TRAF3IP1: variants seen among roughly 807,000 people sequenced by gnomAD.
The protein encoded by TRAF3IP1 is TRAF3-interacting protein 1.
In TRAF3IP1, 53 loss-of-function variants were observed where a neutral mutation model predicts 89.9. The ratio of observed to expected loss-of-function variants is 0.59; its 90% confidence interval spans 0.47 to 0.74. The LOEUF is 0.74. Ranked by LOEUF, TRAF3IP1 falls within the 30% of genes least tolerant of loss-of-function variation. The pLI is 0.00. For synonymous variants in TRAF3IP1, 311 were observed against 322.1 expected, an observed-to-expected ratio of 0.97 and a Z score of 0.37; for missense variants, 806 against 866.1, an observed-to-expected ratio of 0.93 and a Z score of 0.87.
At chr2:238,338,687 C>T (rs1381119978) in intron 8 of TRAF3IP1, among the ~76,000 whole-genome samples, 1 of 152,204 alleles carries the variant, frequency 6.6e-6, no homozygotes, top group Admixed American at 6.5e-5. Context: ...CCTTTTTATA[C>T]ATAGATTATT....
At chr2:238,349,192 A>G (rs774577188) in intron 11 of TRAF3IP1, 133 bp from the exon 12 acceptor site, 224 of 794,250 alleles carry the variant, frequency 2.8e-4, no homozygotes, top group Non-Finnish European at 4.2e-4. Flanking sequence ...TCTTCTGCAG[A>G]GTAGCGTGTC....
At chr2:238,326,457 T>C (rs1390656134) in intron 3 of TRAF3IP1, among the ~76,000 whole-genome samples, 2 of 152,100 alleles carry the variant, frequency 1.3e-5, no homozygotes, top group Admixed American at 6.5e-5. Flanking sequence ...CTCTCTCTCT[T>C]CCACCTTTTC....
rs1417925683 is a variant in TRAF3IP1 at position 238,320,653 on chromosome 2, G to GGTGGT, written c.-9_-8insTGGTG. ...GGGGCGCGGGCGGCCAGCGGGCGGC[G>GGTGGT]GACGCCGTCATGAACGCGGCGGTGG... is the stretch of plus-strand genomic sequence containing the variant. On this transcript the variant is annotated 5_prime_UTR_variant, in exon 1 of 17. Coordinates refer to ENST00000373327, the MANE Select transcript of TRAF3IP1 (RefSeq NM_015650.4). The GGTGGT allele has an allele frequency of 7.4e-7, 1 of 1,346,198 alleles. No individual in the cohort carries two copies. Among genetic ancestry groups the GGTGGT allele is most frequent in the Non-Finnish European group, 9.7e-7 (1 of 1,031,260 alleles). 83.4% of individuals were successfully genotyped at this position (1,346,198 alleles called of 1,614,324 possible).
chr2:238,378,932 G>A (rs1297082968), intron 15 of TRAF3IP1, among the ~76,000 whole-genome samples: 4 of 152,156 alleles, frequency 2.6e-5, no homozygotes, highest in African/African-American at 9.7e-5. Context: ...TTGCCTTCAG[G>A]GGAGGTGGGT....
At chr2:238,352,242 A>G (rs1194801453) in intron 12 of TRAF3IP1, among the ~76,000 whole-genome samples, 1 of 152,012 alleles carries the variant, frequency 6.6e-6, no homozygotes. Flanking sequence ...TGACTTGCCC[A>G]GAATGATGTG....
intron 14 of TRAF3IP1, among the ~76,000 whole-genome samples, chr2:238,355,076 G>A (rs1325246955): frequency 6.6e-6 from 1 of 152,034 alleles, no homozygotes; most frequent in East Asian, 1.9e-4. Flanking sequence ...CTTGCCAATT[G>A]GATATCACTA....
chr2:238,327,874 T>A (rs1697915894), intron 3 of TRAF3IP1, among the ~76,000 whole-genome samples: 1 of 152,196 alleles, frequency 6.6e-6, no homozygotes, highest in Admixed American at 6.5e-5. Context: ...TCACTTAATA[T>A]AATGTTCTCA....
chr2:238,372,343 A>G (rs920257464), intron 15 of TRAF3IP1, among the ~76,000 whole-genome samples: 3 of 151,530 alleles, frequency 2.0e-5, no homozygotes, highest in African/African-American at 7.3e-5. Flanking sequence ...ATGTGTTCTC[A>G]TTGTTCAACT....
intron 9 of TRAF3IP1, 177 bp downstream of exon 9, chr2:238,344,775 T>C (rs1698817008): frequency 5.7e-6 from 4 of 697,914 alleles, no homozygotes; most frequent in Non-Finnish European, 1.0e-5. Flanking sequence ...AACATGGTGG[T>C]TTCTTGATAG....
chr2:238,380,855 G>A (rs1361973412), intron 15 of TRAF3IP1, among the ~76,000 whole-genome samples: 2 of 152,194 alleles, frequency 1.3e-5, no homozygotes, highest in African/African-American at 4.8e-5. Flanking sequence ...TTTCATGAAG[G>A]TGTGTGAGTC....
chr2:238,389,720 C>T (rs554137839), intron 15 of TRAF3IP1, among the ~76,000 whole-genome samples: 92 of 150,072 alleles, frequency 6.1e-4, no homozygotes, highest in African/African-American at 2.2e-3. Context: ...TGTACTCCAG[C>T]CTGGGTGACA....
At chr2:238,377,889 T>C (rs1700383829) in intron 15 of TRAF3IP1, among the ~76,000 whole-genome samples, 1 of 152,220 alleles carries the variant, frequency 6.6e-6, no homozygotes, top group Admixed American at 6.5e-5. Context: ...ATTCAGGCTT[T>C]TTAAAATGTG....
chr2:238,335,381 T>A (rs1698333972), intron 7 of TRAF3IP1, among the ~76,000 whole-genome samples: 1 of 152,256 alleles, frequency 6.6e-6, no homozygotes, highest in African/African-American at 2.4e-5. Flanking sequence ...ATTCATTGAA[T>A]GCTTCTCTCC....
In TRAF3IP1 at chr2:238,354,955, CT is replaced by C. The variant is rs541254820; in HGVS notation, c.1613-1037del. Among the ~76,000 whole-genome samples the C allele has an allele frequency of 3.6e-3, 524 of 144,414 alleles. 2 individuals are homozygous for C. Among genetic ancestry groups the C allele is most frequent in the African/African-American group, 9.9e-3 (390 of 39,452 alleles). 94.7% of individuals were successfully genotyped at this position (144,414 alleles called of 152,430 possible). ...TGAGCCACCAAGCCCAGCCCAAGGACTTTTTTTTTTTTGGTAGGTATGTCTG... is the reference window on the plus strand; with the variant it reads ...TGAGCCACCAAGCCCAGCCCAAGGACTTTTTTTTTTTGGTAGGTATGTCTG... On this transcript the variant is annotated intron_variant, in intron 14 of 16. Coordinates refer to ENST00000373327, the MANE Select transcript of TRAF3IP1 (RefSeq NM_015650.4).
chr2:238,365,776 G>T (rs1184843145), intron 15 of TRAF3IP1, among the ~76,000 whole-genome samples: 1 of 152,112 alleles, frequency 6.6e-6, no homozygotes, highest in East Asian at 1.9e-4. Context: ...ATCATGAAGG[G>T]TTATATGGTG....
intron 15 of TRAF3IP1, among the ~76,000 whole-genome samples, chr2:238,381,516 C>T (rs1362203929): frequency 4.6e-5 from 7 of 152,132 alleles, no homozygotes; most frequent in African/African-American, 1.7e-4. Context: ...CGCTGGAGGC[C>T]GGGAAGGTGG....
intron 5 of TRAF3IP1, among the ~76,000 whole-genome samples, chr2:238,332,063 T>A (rs1698153193): frequency 6.6e-6 from 1 of 152,252 alleles, no homozygotes; most frequent in Non-Finnish European, 1.5e-5. Context: ...CCTGCTTAAC[T>A]GCCTCTTTTA....
intron 12 of TRAF3IP1, among the ~76,000 whole-genome samples, chr2:238,350,936 T>C (rs1432264580): frequency 6.6e-6 from 1 of 150,828 alleles, no homozygotes; most frequent in African/African-American, 2.4e-5. Context: ...TCATGACCAA[T>C]GTGGGATTTA....
chr2:238,362,905 A>G (rs1422383143), intron 15 of TRAF3IP1, among the ~76,000 whole-genome samples: 3 of 152,202 alleles, frequency 2.0e-5, no homozygotes, highest in Non-Finnish European at 4.4e-5. Flanking sequence ...AAGCTTTGCC[A>G]AAGCGGAGAT....
Sources: gnomAD v4.1 joint callset for allele counts (sites outside exome capture counted in the v4.1 genomes callset) on GRCh38, gnomAD v4.1.1 for gene constraint, MANE v1.5 for transcripts, NCBI Gene and HGNC (gene_info 2026-07-23, HGNC 2026-07-21) for gene names.